Variants in RNASE11 observed in about 807,000 individuals in gnomAD.
The protein encoded by RNASE11 is ribonuclease A family member 11 (inactive), also known as putative inactive ribonuclease 11.
For synonymous variants in RNASE11, 105 were observed against 86.1 expected (o/e 1.22, Z -1.21); for missense variants, 252 against 237.8 (o/e 1.06, Z -0.39).
chr14:20,588,862 C>T (rs770915704), upstream of RNASE11, among the ~76,000 whole-genome samples: 1 of 152,140 alleles, frequency 6.6e-6, no homozygotes, highest in South Asian at 2.1e-4. Context: ...TCTCGGCTCA[C>T]TGCAACCTCC....
At chr14:20,588,943 C>G (rs890326878), upstream of RNASE11, among the ~76,000 whole-genome samples, 1 of 152,032 alleles carries the variant, frequency 6.6e-6, no homozygotes, top group African/African-American at 2.4e-5. Flanking sequence ...TGCACCACCA[C>G]ACCCAACTAA....
chr14:20,585,807 C>A (rs1231750882), intron 1 of RNASE11, among the ~76,000 whole-genome samples: 1 of 152,158 alleles, frequency 6.6e-6, no homozygotes, highest in Non-Finnish European at 1.5e-5. Context: ...CATAACATGA[C>A]CTTACTAGTA....
chr14:20,586,718 A>G (rs1884441655), intron 1 of RNASE11, among the ~76,000 whole-genome samples: 1 of 152,248 alleles, frequency 6.6e-6, no homozygotes, highest in Non-Finnish European at 1.5e-5. Flanking sequence ...ATAGGGAAAC[A>G]GAAAGACCAG....
upstream of RNASE11, among the ~76,000 whole-genome samples, chr14:20,589,223 A>G (rs919018266): frequency 2.0e-5 from 3 of 151,262 alleles, no homozygotes; most frequent in Non-Finnish European, 4.4e-5. Context: ...GATCTTCAAA[A>G]TTTTGTGATA....
rs1463663038 is a variant in RNASE11 at position 20,584,066 on chromosome 14, A to T, written c.409T>A (p.Cys137Ser). 4 of 1,614,162 alleles carry T rather than the reference A, an allele frequency of 2.5e-6. No homozygotes were observed. In the South Asian group the frequency reaches 4.4e-5, roughly 18 times the overall value. The change falls in exon 2 of 2, where the codon TGC (cysteine) becomes AGC (serine). Residue 137 changes from cysteine (C) to serine (S), a missense_variant. By Grantham distance (112) the Cys-to-Ser change is moderately radical. Coordinates refer to ENST00000553849, the Ensembl canonical transcript of RNASE11. ...ATGCCAGGATTCTGTACAAACTTGCAGCTGGGGGCCCTGTGGACCCTGCGC... is the reference window on the plus strand; with the variant it reads ...ATGCCAGGATTCTGTACAAACTTGCTGCTGGGGGCCCTGTGGACCCTGCGC...
chr14:20,584,418 T>C (rs1884388897), exon 2 of RNASE11: 2 of 1,613,188 alleles, frequency 1.2e-6, no homozygotes, highest in East Asian at 2.2e-5. Flanking sequence ...TTGTGCTTTC[T>C]GATGCTTCTG....
intron 1 of RNASE11, 73 bp from the exon 3 acceptor site, chr14:20,584,569 T>C: frequency 1.6e-6 from 2 of 1,280,370 alleles, no homozygotes; most frequent in South Asian, 1.6e-5. Flanking sequence ...TCCTGACAGT[T>C]ATTCCTGGTA....
chr14:20,590,177 G>T, upstream of RNASE11: 8 of 1,516,218 alleles, frequency 5.3e-6, no homozygotes, highest in South Asian at 1.3e-5. Flanking sequence ...TTCCCCTTCC[G>T]CTCAAGGCAT....
At chr14:20,584,802 A>T (rs1002957161) in intron 1 of RNASE11, among the ~76,000 whole-genome samples, 2 of 152,214 alleles carry the variant, frequency 1.3e-5, no homozygotes, top group African/African-American at 4.8e-5. Flanking sequence ...TTTGTTTCTT[A>T]TCCTTTTCCC....
chr14:20,585,998 AC>A (rs1334653291), intron 1 of RNASE11, among the ~76,000 whole-genome samples: 2 of 151,732 alleles, frequency 1.3e-5, no homozygotes, highest in African/African-American at 2.4e-5. Flanking sequence ...CCTCCTAATC[AC>A]CCCTTCCTGA....
At chr14:20,588,109 T>C (rs1884473542), upstream of RNASE11, 1 of 152,152 alleles carries the variant, frequency 6.6e-6, no homozygotes, top group Non-Finnish European at 1.5e-5. Context: ...CAATACAAAT[T>C]CTCCCCTCCA....
chr14:20,586,038 T>G (rs1884426959), intron 1 of RNASE11, among the ~76,000 whole-genome samples: 1 of 152,206 alleles, frequency 6.6e-6, no homozygotes, highest in Non-Finnish European at 1.5e-5. Flanking sequence ...ACACTACTTT[T>G]CTAAAAACAT....
chr14:20,583,286 T>TG (rs986141457), downstream of RNASE11: 1 of 152,298 alleles, frequency 6.6e-6, no homozygotes, highest in African/African-American at 2.4e-5. Context: ...GAAATAGAGA[T>TG]GGGGGTGGAA....
At chr14:20,584,612 T>A in intron 1 of RNASE11, 116 bp from the exon 3 acceptor site, 1 of 720,534 alleles carries the variant, frequency 1.4e-6, no homozygotes, top group Non-Finnish European at 2.2e-6. Context: ...AATTTTTATA[T>A]CTGTGAATGG....
chr14:20,583,842 T>C (rs745962688), exon 2 of RNASE11: 37 of 1,550,396 alleles, frequency 2.4e-5, no homozygotes, highest in Non-Finnish European at 3.1e-5. Flanking sequence ...GGTCCTTCTT[T>C]AGTAAGACCC....
exon 2 of RNASE11, chr14:20,583,911 A>C (rs1344039147): frequency 6.2e-6 from 10 of 1,613,566 alleles, no homozygotes; most frequent in Non-Finnish European, 8.5e-6. Flanking sequence ...AGCTCATCAG[A>C]GAATGACCTG....
At chr14:20,588,844 T>C (rs191307793), upstream of RNASE11, among the ~76,000 whole-genome samples, 1 of 152,166 alleles carries the variant, frequency 6.6e-6, no homozygotes, top group Non-Finnish European at 1.5e-5. Context: ...TGGAGTGCAA[T>C]GGCATGATCT....
At chr14:20,584,133 G>C in exon 2 of RNASE11, 6 of 1,614,212 alleles carry the variant, frequency 3.7e-6, no homozygotes, top group Non-Finnish European at 5.1e-6. Context: ...TGCTCCACTT[G>C]CACGATCCGT....
At chr14:20,589,584 G>A (rs185460047), upstream of RNASE11, among the ~76,000 whole-genome samples, 7 of 145,192 alleles carry the variant, frequency 4.8e-5, no homozygotes, top group East Asian at 1.7e-3. Flanking sequence ...AATTTTGATT[G>A]TTTTAAAATA....
Sources: allele counts gnomAD v4.1 joint callset (sites outside exome capture counted in the v4.1 genomes callset), GRCh38; gene constraint gnomAD v4.1.1; transcripts MANE v1.5; gene names NCBI Gene and HGNC (gene_info 2026-07-23, HGNC 2026-07-21).